The following SHOX variants were observed in gnomAD, a reference collection of about 807,000 sequenced individuals.
SHOX encodes the protein short stature homeobox protein.
SHOX carries 12 observed loss-of-function variants against 29.6 expected under a neutral mutation model. That is an observed-to-expected ratio of 0.41 (90% CI 0.26 to 0.66). The LOEUF is 0.66. Ranked by LOEUF, SHOX falls within the 30% of genes least tolerant of loss-of-function variation. The probability of loss-of-function intolerance (pLI) is 0.35; values close to 1 mark genes in which losing one functional copy is unlikely to be tolerated. For synonymous variants in SHOX, 214 were observed against 200.6 expected, an observed-to-expected ratio of 1.07 and a Z score of -0.57; for missense variants, 499 against 437.7, an observed-to-expected ratio of 1.14 and a Z score of -1.25.
intron 2 of SHOX, among the ~76,000 whole-genome samples, chrX:635,165 T>C (rs1406703338): frequency 6.6e-6 from 1 of 152,168 alleles, no homozygotes; most frequent in Non-Finnish European, 1.5e-5. Flanking sequence ...TGAACCCATA[T>C]ATTGGCTCCT....
intron 1 of SHOX, among the ~76,000 whole-genome samples, chrX:624,900 T>TTC (rs756371711): frequency 1.3e-5 from 1 of 79,818 alleles, no homozygotes; most frequent in Non-Finnish European, 2.4e-5. Context: ...CTTTCTTTCT[T>TTC]TCTCTCTTCC....
At position 649,376 on chromosome X, in the gene SHOX, C is replaced by T. The variant is rs2053019157; in HGVS notation, c.*4740C>T. Among the ~76,000 whole-genome samples, 1 of 152,114 alleles carries T rather than the reference C, an allele frequency of 6.6e-6. No individual in the cohort carries two copies. The highest frequency in any genetic ancestry group is 2.1e-4 in the South Asian group (1 of 4,824). ...TCTGAGATGTTTAGGAAGGACTGGGCTGATGGGGACCCTCTGTATGTGATG... is the reference window on the plus strand; with the variant it reads ...TCTGAGATGTTTAGGAAGGACTGGGTTGATGGGGACCCTCTGTATGTGATG... On this transcript the variant is annotated 3_prime_UTR_variant, in exon 5 of 5. Transcript: ENST00000686671.
rs776261446 is a variant in SHOX at position 631,204 on chromosome X, G to T, written c.277+30G>T. The T allele has an allele frequency of 6.8e-6, 11 of 1,611,626 alleles. No homozygotes were observed. In the Admixed American group the frequency reaches 1.2e-4, roughly 17 times the overall value. Reference sequence around the variant, plus strand: ...GTTCCTTTGCGCTCCGGCTCCAGGGGGGCCCTCCTGGGGTTCGGCGCCTCC... The same window carrying T: ...GTTCCTTTGCGCTCCGGCTCCAGGGTGGCCCTCCTGGGGTTCGGCGCCTCC... On this transcript the variant is annotated intron_variant, in intron 1 of 4. Coordinates refer to ENST00000686671, the MANE Select transcript of SHOX (RefSeq NM_000451.4).
chrX:631,834 G>T, intron 1 of SHOX: 1 of 448,434 alleles, frequency 2.2e-6, no homozygotes, highest in South Asian at 1.6e-5. Context: ...GCCCGGCCTG[G>T]GTCCTGACGG....
Position 651,504 on chromosome X carries a change from A to C in SHOX, c.*6868A>C. On this transcript the variant is annotated 3_prime_UTR_variant, in exon 5 of 5. Coordinates refer to ENST00000686671, the MANE Select transcript of SHOX (RefSeq NM_000451.4). ...AATCTCAATGTTGAGTTGCAGCAAC[A>C]GACTGTATTTTTGTGACGCCCCGTA... is the stretch of plus-strand genomic sequence containing the variant. The C allele has an allele frequency of 2.4e-6, 1 of 424,128 alleles. No homozygotes were observed. The highest frequency in any genetic ancestry group is 1.7e-5 in the South Asian group (1 of 58,598). The allele number at this position is 424,128 out of a possible 1,614,324, so 26.3% of individuals were successfully genotyped here.
upstream of SHOX, among the ~76,000 whole-genome samples, chrX:628,029 C>T (rs1337761917): frequency 3.3e-5 from 5 of 151,916 alleles, no homozygotes; most frequent in African/African-American, 9.7e-5. Flanking sequence ...GCCAGAGACC[C>T]TTCTCCGAAT....
chrX:652,192 G>T (rs1017998752), downstream of SHOX, among the ~76,000 whole-genome samples: 2 of 152,088 alleles, frequency 1.3e-5, no homozygotes, highest in Non-Finnish European at 2.9e-5. Flanking sequence ...GGCCGGTGAT[G>T]TGTGTGCTTT....
chrX:630,315 C>CA (rs1030643925), upstream of SHOX, among the ~76,000 whole-genome samples: 1 of 137,368 alleles, frequency 7.3e-6, no homozygotes, highest in Non-Finnish European at 1.6e-5. Flanking sequence ...GGATCCCCCC[C>CA]TCGCCATCTC....
rs763631292 is a variant in SHOX at position 651,421 on chromosome X, A to ACC, written c.*6786_*6787dup. The ACC allele has an allele frequency of 7.9e-4, 356 of 452,394 alleles. 2 individuals carry two copies. Among genetic ancestry groups the ACC allele is most frequent in the African/African-American group, 6.0e-3 (295 of 49,514 alleles). The allele number at this position is 452,394 out of a possible 1,614,324, so 28.0% of individuals were successfully genotyped here. A position where few individuals can be genotyped will look rare whatever the true frequency, so the allele number is the denominator to read the frequency against. ...AACAAACAAACAAACAGAAAAAAAA[A>ACC]CCAAAAAAAACCACCCTGAGTTTCT... On this transcript the variant is annotated 3_prime_UTR_variant, in exon 5 of 5. Transcript: ENST00000686671.
chrX:634,909 G>T (rs2052717607), intron 2 of SHOX, 83 bp downstream of exon 2: 3 of 1,402,924 alleles, frequency 2.1e-6, no homozygotes, highest in Admixed American at 2.2e-5. Flanking sequence ...AGCCACCTGC[G>T]CCCGGGCCGC....
chrX:646,160 C>T lies in SHOX; in HGVS notation c.*1524C>T, dbSNP rs111719077. The T allele has an allele frequency of 0.055, 8,353 of 152,218 alleles. 322 individuals carry two copies. The highest frequency in any genetic ancestry group is 0.13 in the South Asian group (625 of 4,820). 9.4% of individuals were successfully genotyped at this position (152,218 alleles called of 1,614,324 possible). A position where few individuals can be genotyped will look rare whatever the true frequency, so the allele number is the denominator to read the frequency against. ...TGATCTGCCCGCCTCGGCCTCCCAA[C>T]GTGCCCCCAGTTTTATAAACAGCAG... On this transcript the variant is annotated 3_prime_UTR_variant, in exon 5 of 5. Coordinates refer to ENST00000686671, the MANE Select transcript of SHOX (RefSeq NM_000451.4).
intron 1 of SHOX, among the ~76,000 whole-genome samples, chrX:624,845 C>G (rs1222917776): frequency 7.8e-5 from 9 of 115,520 alleles, no homozygotes; most frequent in Non-Finnish European, 1.3e-4. Context: ...CTTCCTTCCT[C>G]TCTTCCTCTT....
chrX:632,422 C>T (rs1269980715), intron 1 of SHOX, among the ~76,000 whole-genome samples: 1 of 152,178 alleles, frequency 6.6e-6, no homozygotes, highest in African/African-American at 2.4e-5. Flanking sequence ...CAGCTGGAGA[C>T]GGCTATGGAC....
chrX:655,696 G>T, downstream of SHOX, among the ~76,000 whole-genome samples: 1 of 140,946 alleles, frequency 7.1e-6, no homozygotes, highest in Non-Finnish European at 1.5e-5. Flanking sequence ...TCATCTACTG[G>T]TTTTCCCCTT....
In SHOX at chrX:648,549, G is replaced by A. The variant is rs2052996891; in HGVS notation, c.*3913G>A. Among the ~76,000 whole-genome samples the A allele has an allele frequency of 1.3e-5, 2 of 152,202 alleles. No homozygotes were observed. Among genetic ancestry groups the A allele is most frequent in the Admixed American group, 1.3e-4 (2 of 15,276 alleles). On this transcript the variant is annotated 3_prime_UTR_variant, in exon 5 of 5. Coordinates refer to ENST00000686671, the MANE Select transcript of SHOX (RefSeq NM_000451.4). ...TGGCCTGAATCTGAACTTTTAAAAGGGAGTTACTGACTCTCAACTGTGCGG... is the reference window on the plus strand; with the variant it reads ...TGGCCTGAATCTGAACTTTTAAAAGAGAGTTACTGACTCTCAACTGTGCGG...
intron 2 of SHOX, among the ~76,000 whole-genome samples, chrX:638,684 G>A (rs1378098796): frequency 2.0e-5 from 3 of 152,184 alleles, no homozygotes; most frequent in Non-Finnish European, 4.4e-5. Context: ...TTCACGTTGC[G>A]CTGTGTAGAC....
In SHOX at chrX:651,333, A is replaced by G; in HGVS notation, c.*6697A>G. The G allele has an allele frequency of 2.2e-6, 1 of 455,636 alleles. No homozygotes were observed. Among genetic ancestry groups the G allele is most frequent in the South Asian group, 1.5e-5 (1 of 64,522 alleles). 28.2% of individuals were successfully genotyped at this position (455,636 alleles called of 1,614,324 possible). ...AAACAAATCACACACCGTTTCCCAAACCAACAGTCTTCACATTTCTATCCC... is the reference window on the plus strand; with the variant it reads ...AAACAAATCACACACCGTTTCCCAAGCCAACAGTCTTCACATTTCTATCCC... On this transcript the variant is annotated 3_prime_UTR_variant, in exon 5 of 5. Coordinates refer to ENST00000686671, the MANE Select transcript of SHOX (RefSeq NM_000451.4).
Position 650,792 on chromosome X carries a change from TAAAAA to T in SHOX, c.*6179_*6183del, listed in dbSNP as rs1041655715. On this transcript the variant is annotated 3_prime_UTR_variant, in exon 5 of 5. Coordinates refer to ENST00000686671, the MANE Select transcript of SHOX (RefSeq NM_000451.4). Reference sequence around the variant, plus strand: ...GGCTTTCGGTGGACACGTTTGACATTAAAAAAAAAAAAAAAAAAAAAAAAAAACTG... The same window carrying T: ...GGCTTTCGGTGGACACGTTTGACATTAAAAAAAAAAAAAAAAAAAAAACTG... Among the ~76,000 whole-genome samples, 18 of 50,830 alleles carry T rather than the reference TAAAAA, an allele frequency of 3.5e-4. 1 individual carries two copies. Among genetic ancestry groups the T allele is most frequent in the Admixed American group, 1.2e-3 (4 of 3,246 alleles). The allele number at this position is 50,830 out of a possible 152,430, so 33.3% of individuals were successfully genotyped here. A position where few individuals can be genotyped will look rare whatever the true frequency, so the allele number is the denominator to read the frequency against.
intron 5 of SHOX, among the ~76,000 whole-genome samples, chrX:657,969 G>GTC (rs763260813): frequency 4.2e-4 from 64 of 151,368 alleles, no homozygotes; most frequent in South Asian, 1.5e-3. Context: ...TCTCCAGGTG[G>GTC]TCTCTCTCTC....
Sources: allele counts gnomAD v4.1 joint callset (sites outside exome capture counted in the v4.1 genomes callset), GRCh38; gene constraint gnomAD v4.1.1; transcripts MANE v1.5; gene names NCBI Gene and HGNC (gene_info 2026-07-23, HGNC 2026-07-21).